SCN9A: variants seen among roughly 807,000 people sequenced by gnomAD.
The protein encoded by SCN9A is sodium voltage-gated channel alpha subunit 9.
Under a neutral mutation model 187.0 loss-of-function variants are expected in SCN9A, and 131 were observed. That is an observed-to-expected ratio of 0.70 (90% CI 0.61 to 0.81). The LOEUF (loss-of-function observed/expected upper bound fraction) is 0.81, where lower values mean the gene tolerates loss of function less well. SCN9A is among the 30% of genes least tolerant of loss of function. SCN9A has a pLI of 0.00. For missense variants in SCN9A, 2,252 were observed against 2,396.6 expected (o/e 0.94, Z 1.26); for synonymous variants, 809 against 808.6 (o/e 1.00, Z -0.01).
chr2:166,314,124 T>C (rs529393841), intron 1 of SCN9A, among the ~76,000 whole-genome samples: 2 of 152,284 alleles, frequency 1.3e-5, no homozygotes, highest in Admixed American at 1.3e-4. Flanking sequence ...AATAATTAAA[T>C]AATGGCAATT....
In SCN9A at chr2:166,299,879, T is replaced by C. The variant is rs991916230; in HGVS notation, c.901+3211A>G. Among the ~76,000 whole-genome samples the C allele has an allele frequency of 1.1e-4, 16 of 150,878 alleles. 2 individuals are homozygous for C. The highest frequency in any genetic ancestry group is 4.0e-4 in the African/African-American group (16 of 40,230). ...ACAAATGTGTCCACCATTTCCTCAT[T>C]AACCATCACCACCCATCCAGTTATT... On this transcript the variant is annotated intron_variant, in intron 7 of 26. Coordinates refer to ENST00000642356, the MANE Select transcript of SCN9A (RefSeq NM_001365536.1).
At chr2:166,373,331 T>TTTTTTTG (rs1700610328) in intron 1 of SCN9A, among the ~76,000 whole-genome samples, 1 of 149,834 alleles carries the variant, frequency 6.7e-6, no homozygotes. Flanking sequence ...TTTTTTTAAA[T>TTTTTTTG]GCAGTTGTGA....
At chr2:166,215,450 T>G (rs1189292037) in intron 24 of SCN9A, among the ~76,000 whole-genome samples, 2 of 151,908 alleles carry the variant, frequency 1.3e-5, no homozygotes, top group African/African-American at 4.8e-5. Context: ...ACAAAGATAA[T>G]GATAGAAATA....
Position 166,278,268 on chromosome 2 carries a change from C to T in SCN9A, c.2389G>A (p.Ala797Thr). The change falls in exon 15 of 27, where the codon GCC becomes ACC. Residue 797 changes from alanine to threonine, a missense_variant. Coordinates refer to ENST00000642356, the MANE Select transcript of SCN9A (RefSeq NM_001365536.1). ...FAAEMVLKLI[A>T]MDPYEYFQVG... is the part of the protein sequence containing the mutation. ...TGGAAATACTCATATGGATCCATGG[C>T]AATCAGTTTTAATACCATTTCAGCT... is the stretch of plus-strand genomic sequence containing the variant. 1 of 1,611,414 alleles carries T rather than the reference C, an allele frequency of 6.2e-7. No individual in the cohort carries two copies. Among genetic ancestry groups the T allele is most frequent in the Non-Finnish European group, 8.5e-7 (1 of 1,178,946 alleles).
At chr2:166,264,117 G>A (rs1052873013) in intron 17 of SCN9A, among the ~76,000 whole-genome samples, 2 of 151,902 alleles carry the variant, frequency 1.3e-5, no homozygotes, top group Non-Finnish European at 2.9e-5. Context: ...AGTTAATCCC[G>A]ATATTAAATT....
At chr2:166,200,148 C>T (rs530041020) in intron 26 of SCN9A, among the ~76,000 whole-genome samples, 1 of 148,370 alleles carries the variant, frequency 6.7e-6, no homozygotes, top group Non-Finnish European at 1.5e-5. Flanking sequence ...CAGGCGCCCG[C>T]TACCACGCCC....
At chr2:166,212,810 C>A (rs1047957883) in intron 24 of SCN9A, among the ~76,000 whole-genome samples, 5 of 151,876 alleles carry the variant, frequency 3.3e-5, no homozygotes, top group Non-Finnish European at 7.4e-5. Context: ...TGGAAGGAAA[C>A]TGGAAGTCAG....
intron 1 of SCN9A, among the ~76,000 whole-genome samples, chr2:166,370,753 G>A (rs973124466): frequency 4.6e-5 from 7 of 151,584 alleles, no homozygotes; most frequent in African/African-American, 1.7e-4. Flanking sequence ...CCTAAAAGTG[G>A]AGTAAAATTT....
At chr2:166,340,630 C>A (rs1699762746) in intron 1 of SCN9A, among the ~76,000 whole-genome samples, 1 of 113,980 alleles carries the variant, frequency 8.8e-6, no homozygotes, top group Non-Finnish European at 1.8e-5. Context: ...CCTTTCTCTT[C>A]TTTCTTTTTT....
intron 17 of SCN9A, among the ~76,000 whole-genome samples, chr2:166,264,275 C>T (rs919059802): frequency 6.6e-6 from 1 of 151,870 alleles, no homozygotes; most frequent in Non-Finnish European, 1.5e-5. Context: ...CACTTCACTG[C>T]CAGTGGTAAA....
chr2:166,222,964 A>AC (rs1694681475), intron 24 of SCN9A, among the ~76,000 whole-genome samples: 1 of 148,216 alleles, frequency 6.7e-6, no homozygotes, highest in African/African-American at 2.5e-5. Context: ...AAAAAAAAAA[A>AC]AAAAAAAACA....
Position 166,196,902 on chromosome 2 carries a change from T to C in SCN9A, c.*1770A>G, listed in dbSNP as rs200353065. ...ACAAATGTCTCAAAGTAATAACGGA[T>C]GTTGTAAAATATATCACAATTTAAA... On this transcript the variant is annotated 3_prime_UTR_variant, in exon 27 of 27. Coordinates refer to ENST00000642356, the MANE Select transcript of SCN9A (RefSeq NM_001365536.1). The C allele has an allele frequency of 6.6e-6, 1 of 152,146 alleles. No individual in the cohort carries two copies. The highest frequency in any genetic ancestry group is 2.4e-5 in the African/African-American group (1 of 41,462). 9.4% of individuals were successfully genotyped at this position (152,146 alleles called of 1,614,324 possible).
chr2:166,346,803 G>C (rs1699912125), intron 1 of SCN9A, among the ~76,000 whole-genome samples: 2 of 152,114 alleles, frequency 1.3e-5, no homozygotes, highest in African/African-American at 2.4e-5. Context: ...ATATATAAAA[G>C]TACATAATAA....
rs1257224536 is a variant in SCN9A, at chr2:166,278,300, A to T, written c.2357T>A (p.Ile786Asn). Reference protein sequence around the residue: ...LAIGNLVFTGIFAAEMVLKLI... With the variant: ...LAIGNLVFTGNFAAEMVLKLI... The stretch of plus-strand genomic sequence containing the variant: ...TTTTAATACCATTTCAGCTGCAAAG[A>T]TTCCAGTAAAGACCTAAGTGAGAAA... The change falls in exon 15 of 27, where the codon ATC (isoleucine) becomes AAC (asparagine). Residue 786 changes from isoleucine to asparagine, a missense_variant. Ile to Asn is a moderately radical substitution (Grantham distance 149). Around this residue, in one of 7 missense-constraint regions of SCN9A, gnomAD observed 1,013 missense variants for 997.4 expected, o/e 1.02. Transcript: ENST00000642356. 2 of 1,602,458 alleles carry T rather than the reference A, an allele frequency of 1.2e-6. No homozygotes were observed. Among genetic ancestry groups the T allele is most frequent in the Non-Finnish European group, 8.5e-7 (1 of 1,175,774 alleles).
intron 20 of SCN9A, among the ~76,000 whole-genome samples, chr2:166,235,750 G>A (rs551949277): frequency 1.3e-5 from 2 of 151,418 alleles, no homozygotes; most frequent in African/African-American, 4.8e-5. Flanking sequence ...AGAATATTGT[G>A]TGGAGCTTTA....
intron 17 of SCN9A, 143 bp from the exon 18 acceptor site, chr2:166,252,028 C>G: frequency 2.3e-6 from 2 of 863,182 alleles, no homozygotes. Flanking sequence ...AATGTATAAA[C>G]ACATATTGAG....
intron 24 of SCN9A, among the ~76,000 whole-genome samples, chr2:166,207,507 C>G (rs1307347988): frequency 2.6e-5 from 4 of 152,054 alleles, no homozygotes; most frequent in African/African-American, 9.7e-5. Flanking sequence ...GTGCCACCAT[C>G]TTGGCTCACT....
intron 17 of SCN9A, among the ~76,000 whole-genome samples, chr2:166,256,717 A>G (rs1224302368): frequency 6.6e-6 from 1 of 151,112 alleles, no homozygotes; most frequent in African/African-American, 2.4e-5. Context: ...AGGAATAGCT[A>G]CTTATTCAGC....
intron 1 of SCN9A, among the ~76,000 whole-genome samples, chr2:166,352,363 A>T (rs1036488179): frequency 6.6e-6 from 1 of 152,194 alleles, no homozygotes; most frequent in Non-Finnish European, 1.5e-5. Flanking sequence ...ATGTGATCTA[A>T]ATAACAAGTT....
Sources: gnomAD v4.1 joint callset for allele counts (sites outside exome capture counted in the v4.1 genomes callset) on GRCh38, gnomAD v4.1.1 for gene constraint, gnomAD v4.1.1 regional missense constraint, MANE v1.5 for transcripts, NCBI Gene and HGNC (gene_info 2026-07-23, HGNC 2026-07-21) for gene names.